Variants in NCKAP5 observed in about 807,000 individuals in gnomAD.
NCKAP5 encodes NCK associated protein 5.
A neutral mutation model predicts 167.0 loss-of-function variants in NCKAP5; 92 were observed. That is an observed-to-expected ratio of 0.55 (90% confidence interval 0.47 to 0.66). The LOEUF is 0.66. Among genes scored for constraint, NCKAP5 ranks in the 30% least tolerant of loss-of-function variants. The pLI is 0.00. For synonymous variants in NCKAP5, 891 were observed against 877.4 expected, an observed-to-expected ratio of 1.02 and a Z score of -0.27; for missense variants, 2,378 against 2,315.0, an observed-to-expected ratio of 1.03 and a Z score of -0.56.
intron 19 of NCKAP5, among the ~76,000 whole-genome samples, chr2:132,709,149 C>T (rs1351598509): frequency 6.6e-6 from 1 of 151,634 alleles, no homozygotes; most frequent in Non-Finnish European, 1.5e-5. Flanking sequence ...ATATCTACAC[C>T]CCCCCACCAA....
intron 8 of NCKAP5, among the ~76,000 whole-genome samples, chr2:132,910,017 AC>A (rs1694319044): frequency 1.3e-5 from 2 of 152,242 alleles, no homozygotes; most frequent in South Asian, 4.1e-4. Flanking sequence ...CAGTTAAGGA[AC>A]TTGCCTGAGG....
intron 6 of NCKAP5, chr2:133,118,919 T>C (rs2082166894): frequency 6.6e-6 from 1 of 152,094 alleles, no homozygotes; most frequent in Admixed American, 6.6e-5. Context: ...GCAGAGACCA[T>C]AAAAGAGGCA....
chr2:133,654,096 T>C, the NCKAP5 span, among the ~76,000 whole-genome samples: 1 of 152,102 alleles, frequency 6.6e-6, no homozygotes, highest in African/African-American at 2.4e-5. Flanking sequence ...GTTCAATAAA[T>C]TCCTCAGCTG....
Position 133,096,489 on chromosome 2 carries a change from AAAATAAATAAATAAATAAATAAAT to A in NCKAP5, c.341+33465_341+33488del, listed in dbSNP as rs3051199. On this transcript the variant is annotated intron_variant, in intron 6 of 19. Transcript: ENST00000409261. ...GTTGACAGAGTGAGACTCTGTCTCA[AAAATAAATAAATAAATAAATAAAT>A]AAATAAATAAATAAATAAGCAAATA... Among the ~76,000 whole-genome samples the A allele has an allele frequency of 1.0e-3, 151 of 146,902 alleles. 1 individual carries two copies. Among genetic ancestry groups the A allele is most frequent in the Admixed American group, 3.6e-3 (53 of 14,694 alleles).
At chr2:132,729,026 G>C in intron 17 of NCKAP5, 74 bp from the exon 18 acceptor site, 1 of 1,575,312 alleles carries the variant, frequency 6.3e-7, no homozygotes, top group Non-Finnish European at 8.7e-7. Flanking sequence ...AAGGAGGTGG[G>C]GGAGACATTC....
intron 5 of NCKAP5, among the ~76,000 whole-genome samples, chr2:133,144,258 A>C (rs55665571): frequency 6.6e-6 from 1 of 152,066 alleles, no homozygotes; most frequent in Non-Finnish European, 1.5e-5. Context: ...TAATGACTCA[A>C]TTCTGCTCTG....
At chr2:132,950,147 C>T (rs755974370) in intron 8 of NCKAP5, among the ~76,000 whole-genome samples, 5 of 152,052 alleles carry the variant, frequency 3.3e-5, no homozygotes, top group East Asian at 1.9e-4. Flanking sequence ...GTTCACTACA[C>T]CTTTACTCCT....
chr2:132,910,820 TGG>T (rs1283862707), intron 8 of NCKAP5, among the ~76,000 whole-genome samples: 2 of 152,214 alleles, frequency 1.3e-5, no homozygotes, highest in Non-Finnish European at 2.9e-5. Context: ...GGATTGGATT[TGG>T]AAATGAGACT....
At chr2:133,452,545 G>A (rs2151202038) in intron 3 of NCKAP5, among the ~76,000 whole-genome samples, 1 of 152,304 alleles carries the variant, frequency 6.6e-6, no homozygotes, top group South Asian at 2.1e-4. Flanking sequence ...ATAGATGTAG[G>A]AAGGAGGCAG....
intron 3 of NCKAP5, among the ~76,000 whole-genome samples, chr2:133,385,064 C>T (rs1490236173): frequency 1.3e-5 from 2 of 152,244 alleles, no homozygotes; most frequent in East Asian, 3.9e-4. Context: ...ATTGCCCTGG[C>T]CAGAACTTCC....
chr2:133,521,241 C>T (rs1247870275), intron 2 of NCKAP5, among the ~76,000 whole-genome samples: 1 of 152,188 alleles, frequency 6.6e-6, no homozygotes. Flanking sequence ...GCCATTTGTA[C>T]CATCCATCTA....
Position 133,516,147 on chromosome 2 carries a change from T to A in NCKAP5, c.69+1311A>T, listed in dbSNP as rs11890105. Among the ~76,000 whole-genome samples, 318 of 152,282 alleles carry A rather than the reference T, an allele frequency of 2.1e-3. 1 individual carries two copies. The highest frequency in any genetic ancestry group is 7.1e-3 in the African/African-American group (294 of 41,550). On this transcript the variant is annotated intron_variant, in intron 3 of 19. Transcript: ENST00000409261. ...TAGCCTAGGCCTAAGACAGACCCTA[T>A]TGGCATGCTGATATGTAAAAAGTGT...
At chr2:133,547,712 T>A (rs111566789) in intron 2 of NCKAP5, among the ~76,000 whole-genome samples, 5 of 146,330 alleles carry the variant, frequency 3.4e-5, no homozygotes, top group East Asian at 2.1e-4. Flanking sequence ...GACATCCACA[T>A]CGAAAACCCA....
Position 132,729,458 on chromosome 2 carries a change from G to A in NCKAP5, c.5444-506C>T, listed in dbSNP as rs201837997. Among the ~76,000 whole-genome samples, 4 of 152,146 alleles carry A rather than the reference G, an allele frequency of 2.6e-5. No individual in the cohort carries two copies. The East Asian group carries it at 7.7e-4, about 29-fold the overall frequency. ...AAGGTTATTTTGAATAGTGTGGATT[G>A]GGAAGCTTTGCTTGGAGCCCTTAAA... On this transcript the variant is annotated intron_variant, in intron 17 of 19. Transcript: ENST00000409261.
intron 4 of NCKAP5, among the ~76,000 whole-genome samples, chr2:133,263,094 G>A (rs528839483): frequency 4.3e-4 from 65 of 152,104 alleles, no homozygotes; most frequent in Non-Finnish European, 6.0e-4. Flanking sequence ...GGGCTCACCC[G>A]CCCCACTATG....
At chr2:132,822,933 T>C (rs982823135) in intron 11 of NCKAP5, among the ~76,000 whole-genome samples, 1 of 152,104 alleles carries the variant, frequency 6.6e-6, no homozygotes, top group Non-Finnish European at 1.5e-5. Context: ...AACAATAGAC[T>C]AGGATAAGTA....
intron 12 of NCKAP5, among the ~76,000 whole-genome samples, chr2:132,793,642 T>C (rs1574238748): frequency 6.6e-6 from 1 of 152,302 alleles, no homozygotes; most frequent in East Asian, 1.9e-4. Context: ...TAGCAGCACG[T>C]TGTGGTACCT....
At chr2:132,761,225 C>T (rs1458279062) in intron 16 of NCKAP5, among the ~76,000 whole-genome samples, 1 of 150,184 alleles carries the variant, frequency 6.7e-6, no homozygotes, top group Non-Finnish European at 1.5e-5. Flanking sequence ...AGGCCCTTGG[C>T]TTTCATTATG....
At chr2:133,055,813 C>A (rs1411829966) in intron 6 of NCKAP5, among the ~76,000 whole-genome samples, 15 of 152,104 alleles carry the variant, frequency 9.9e-5, no homozygotes, top group African/African-American at 3.6e-4. Flanking sequence ...GTGAGTAATT[C>A]AAAAATAAAA....
Sources: allele counts gnomAD v4.1 joint callset (sites outside exome capture counted in the v4.1 genomes callset), GRCh38; gene constraint gnomAD v4.1.1; transcripts MANE v1.5; gene names NCBI Gene and HGNC (gene_info 2026-07-23, HGNC 2026-07-21).